The following CSMD2 variants were observed in gnomAD, a reference collection of about 807,000 sequenced individuals.
CSMD2 encodes the protein CUB and sushi domain-containing protein 2.
CSMD2 carries 130 observed loss-of-function variants against 398.5 expected under a neutral mutation model. That is an observed-to-expected ratio of 0.33 (90% CI 0.28 to 0.38). The LOEUF (loss-of-function observed/expected upper bound fraction) is 0.38. CSMD2 is among the 10% of genes least tolerant of loss of function. CSMD2 has a pLI of 1.00. For missense variants in CSMD2, 3,829 were observed against 4,764.9 expected, an observed-to-expected ratio of 0.80 and a Z score of 5.78; for synonymous variants, 1,828 against 1,908.5, an observed-to-expected ratio of 0.96 and a Z score of 1.10.
At chr1:34,114,100 T>C (rs1340160945) in intron 1 of CSMD2, among the ~76,000 whole-genome samples, 1 of 152,086 alleles carries the variant, frequency 6.6e-6, no homozygotes, top group Non-Finnish European at 1.5e-5. Context: ...CTGAGTACCA[T>C]AATCAGACAC....
Position 34,085,056 on chromosome 1 carries a change from A to G in CSMD2, c.404+3921T>C, listed in dbSNP as rs1657698184. 2.6e-5 allele frequency among the ~76,000 whole-genome samples: 4 copies of G among 152,352 alleles called. No homozygotes were observed. In the South Asian group the frequency reaches 6.2e-4, roughly 24 times the overall value. ...CATGGAATACTATGTAGCCATAAAA[A>G]ATGATGAGTTCATGTCCTTTGTAGG... On this transcript the variant is annotated intron_variant, in intron 2 of 70. Transcript: ENST00000373381.
chr1:33,706,024 T>TA (rs1405789937), intron 22 of CSMD2, among the ~76,000 whole-genome samples: 1 of 152,134 alleles, frequency 6.6e-6, no homozygotes, highest in African/African-American at 2.4e-5. Flanking sequence ...TCTTTAAAAG[T>TA]ATCTTTCTCC....
intron 64 of CSMD2, among the ~76,000 whole-genome samples, chr1:33,527,922 C>T (rs1232372196): frequency 3.1e-5 from 4 of 130,016 alleles, no homozygotes; most frequent in African/African-American, 1.2e-4. Context: ...GCCTGGGTGA[C>T]GGAGTGAGAC....
Position 33,763,885 on chromosome 1 carries a change from T to A in CSMD2, c.1846+8684A>T, listed in dbSNP as rs151318089. ...GGCCCACTCAGTTTTAGGATCTCCC[T>A]CTCCTGCTAACCCTTCTTCAATATG... On this transcript the variant is annotated intron_variant, in intron 13 of 70. Transcript: ENST00000373381. Among the ~76,000 whole-genome samples, 153 of 152,246 alleles carry A rather than the reference T, an allele frequency of 1.0e-3. 1 individual carries two copies. The highest frequency in any genetic ancestry group is 3.5e-3 in the African/African-American group (147 of 41,546).
At chr1:33,924,814 T>C (rs950233327) in intron 4 of CSMD2, among the ~76,000 whole-genome samples, 2 of 152,222 alleles carry the variant, frequency 1.3e-5, no homozygotes, top group Non-Finnish European at 2.9e-5. Flanking sequence ...TTTTTTCATA[T>C]ACCTGTTTGC....
At chr1:34,098,485 G>T (rs9425991) in intron 1 of CSMD2, among the ~76,000 whole-genome samples, 79,346 of 151,380 alleles carry the variant, frequency 0.52, 21,685 homozygotes, top group African/African-American at 0.66. Flanking sequence ...ACAATGCATT[G>T]TTTAGAGAAG....
chr1:34,084,044 T>C (rs552051176), intron 2 of CSMD2, among the ~76,000 whole-genome samples: 1 of 149,958 alleles, frequency 6.7e-6, no homozygotes, highest in Non-Finnish European at 1.5e-5. Flanking sequence ...CCGTGTGAAA[T>C]GAATTAGAAT....
rs200384313 is a variant in CSMD2, at chr1:33,600,988, G to T, written c.6733C>A (p.Pro2245Thr). ...CTCCGGGTGAAGACGCCGAGCCGTG[G>T]TGCTGTTTGCTGTGGCCCATCCCTG... ...TIWDGPQQTAPRLGVFTRSMA... is the reference protein window; with the variant it reads ...TIWDGPQQTATRLGVFTRSMA... The change falls in exon 44 of 71, where the codon CCA (proline) becomes ACA (threonine). Residue 2245 changes from proline to threonine, a missense_variant. This residue lies in a region of CSMD2 where 723 missense variants were observed against 758.6 expected (regional missense o/e 0.95). Transcript: ENST00000373381. The T allele has an allele frequency of 3.1e-6, 5 of 1,614,032 alleles. No individual in the cohort carries two copies. The highest frequency in any genetic ancestry group is 4.2e-6 in the Non-Finnish European group (5 of 1,180,026).
At chr1:33,742,877 T>C (rs2149254761) in intron 14 of CSMD2, among the ~76,000 whole-genome samples, 1 of 152,234 alleles carries the variant, frequency 6.6e-6, no homozygotes, top group Admixed American at 6.5e-5. Flanking sequence ...AGGCAGGCAT[T>C]CAGGGATTTC....
intron 2 of CSMD2, among the ~76,000 whole-genome samples, chr1:34,076,979 C>T (rs1164065694): frequency 6.5e-5 from 9 of 138,028 alleles, no homozygotes; most frequent in African/African-American, 2.5e-4. Context: ...TCCCATGACT[C>T]CCAGCCTTAA....
At position 33,519,835 on chromosome 1, in the gene CSMD2, G is replaced by A. The variant is rs770991666; in HGVS notation, c.10713C>T (p.Phe3571=). Residue 3571 remains phenylalanine (F), a synonymous_variant, in exon 69 of 71, where the codon TTC becomes TTT. Transcript: ENST00000373381. The surrounding 1 kb of genome is among the most constrained non-coding windows in gnomAD (Gnocchi z 5.6). The stretch of plus-strand genomic sequence containing the variant: ...ACCTGTGCTTGTAGAGATAGAGCAC[G>A]AAGCCCGCAATAATGAGGGCGATGA... The part of the protein sequence containing the change: ...VPFIALIIAG[F]VLYLYKHRRR... The A allele has an allele frequency of 9.3e-6, 15 of 1,613,986 alleles. No homozygotes were observed. The highest frequency in any genetic ancestry group is 1.2e-5 in the Non-Finnish European group (14 of 1,179,982).
chr1:33,895,683 G>A (rs1175575633), intron 5 of CSMD2, among the ~76,000 whole-genome samples: 2 of 152,140 alleles, frequency 1.3e-5, no homozygotes, highest in African/African-American at 4.8e-5. Flanking sequence ...CAGAAAGGTG[G>A]CAGGCTACAC....
At chr1:33,802,230 T>C (rs1372920217) in intron 10 of CSMD2, among the ~76,000 whole-genome samples, 1 of 152,184 alleles carries the variant, frequency 6.6e-6, no homozygotes. Context: ...TAGGCCTGCA[T>C]CACTTGCTCT....
intron 3 of CSMD2, among the ~76,000 whole-genome samples, chr1:33,950,770 C>G (rs1419698196): frequency 6.6e-6 from 1 of 152,174 alleles, no homozygotes; most frequent in African/African-American, 2.4e-5. Context: ...ACCTGGCCTG[C>G]AACTGTCCTG....
intron 33 of CSMD2, among the ~76,000 whole-genome samples, chr1:33,625,485 C>A (rs1288908666): frequency 1.3e-5 from 2 of 152,160 alleles, no homozygotes; most frequent in Admixed American, 6.5e-5. Context: ...GAGGTAGAGC[C>A]GTGGACCTCC....
chr1:33,674,346 C>A (rs1412635459), intron 25 of CSMD2, among the ~76,000 whole-genome samples: 1 of 151,970 alleles, frequency 6.6e-6, no homozygotes, highest in African/African-American at 2.4e-5. Flanking sequence ...CAACAAAGAA[C>A]AAAAGAGACA....
At chr1:33,582,068 C>G (rs192077196) in intron 47 of CSMD2, among the ~76,000 whole-genome samples, 3 of 152,066 alleles carry the variant, frequency 2.0e-5, no homozygotes, top group Non-Finnish European at 4.4e-5. Context: ...CTTCCTGGAG[C>G]GGGTGAGCAC....
At position 33,743,371 on chromosome 1, in the gene CSMD2, G is replaced by A. The variant is rs758855737; in HGVS notation, c.2082C>T (p.Pro694=). The A allele has an allele frequency of 6.2e-7, 1 of 1,614,192 alleles. No individual in the cohort carries two copies. Among genetic ancestry groups the A allele is most frequent in the South Asian group, 1.1e-5 (1 of 91,078 alleles). Residue 694 remains proline (P), a synonymous_variant, in exon 14 of 71, where the codon CCC becomes CCT. Coordinates refer to ENST00000373381, the MANE Select transcript of CSMD2 (RefSeq NM_001281956.2). The stretch of plus-strand genomic sequence containing the variant: ...CGTGGCCACTGCTTGTGATGGAGGA[G>A]GGAAGCTGGTTTCCTGAGAAGGTGC... ...VLGTFSGNQL[P]SSITSSGHVA... is the part of the protein sequence containing the mutation.
chr1:33,623,291 A>C lies in CSMD2; in HGVS notation c.5722+79T>G, dbSNP rs78487396. On this transcript the variant is annotated intron_variant, in intron 36 of 70. Transcript: ENST00000373381. ...GGAATATAAGTGATATCTCAATAAT[A>C]ATAATGATAATAACAATGTTCATGA... The C allele has an allele frequency of 4.1e-5, 38 of 931,222 alleles. No homozygotes were observed. The East Asian group carries it at 8.9e-4, about 22-fold the overall frequency. The allele number at this position is 931,222 out of a possible 1,614,324, so 57.7% of individuals were successfully genotyped here.
Sources: allele counts gnomAD v4.1 joint callset (sites outside exome capture counted in the v4.1 genomes callset), GRCh38; gene constraint gnomAD v4.1.1; regional missense constraint gnomAD v4.1.1; non-coding constraint Gnocchi (gnomAD v3.1); transcripts MANE v1.5; gene names NCBI Gene and HGNC (gene_info 2026-07-23, HGNC 2026-07-21).